The following ATP10B variants were observed in gnomAD, a reference collection of about 807,000 sequenced individuals.
ATP10B encodes phospholipid-transporting ATPase VB.
ATP10B carries 122 observed loss-of-function variants against 141.2 expected under a neutral mutation model. The ratio of observed to expected loss-of-function variants is 0.86; its 90% CI spans 0.75 to 1.00. The LOEUF (loss-of-function observed/expected upper bound fraction) is 1.00, where lower values mean the gene tolerates loss of function less well. ATP10B is among the 50% of genes least tolerant of loss of function. The pLI, the probability that ATP10B is intolerant of heterozygous loss-of-function variation, is 0.00. For missense variants in ATP10B, 1,876 were observed against 1,825.3 expected (o/e 1.03, Z -0.51); for synonymous variants, 685 against 692.0 (o/e 0.99, Z 0.16).
At chr5:160,639,688 T>C (rs1281928513) in intron 10 of ATP10B, among the ~76,000 whole-genome samples, 3 of 152,340 alleles carry the variant, frequency 2.0e-5, no homozygotes, top group African/African-American at 7.2e-5. Context: ...GTGGCTGGTT[T>C]TGCGGAAGAC....
intron 2 of ATP10B, among the ~76,000 whole-genome samples, chr5:160,754,771 A>G (rs1768399386): frequency 6.6e-6 from 1 of 152,226 alleles, no homozygotes; most frequent in Non-Finnish European, 1.5e-5. Flanking sequence ...TGGCACTAAA[A>G]GAAGGCACTC....
intron 6 of ATP10B, among the ~76,000 whole-genome samples, chr5:160,680,441 C>T (rs1049831128): frequency 6.6e-6 from 1 of 152,200 alleles, no homozygotes; most frequent in Admixed American, 6.5e-5. Context: ...CATGTCTTAG[C>T]TTCCTCTGTT....
At chr5:160,615,464 C>T (rs577602470) in intron 17 of ATP10B, among the ~76,000 whole-genome samples, 1 of 151,444 alleles carries the variant, frequency 6.6e-6, no homozygotes, top group South Asian at 2.1e-4. Context: ...TCACTAGACT[C>T]CAAGATCTGG....
chr5:160,928,488 G>C, the ATP10B span, among the ~76,000 whole-genome samples: 5 of 152,168 alleles, frequency 3.3e-5, no homozygotes, highest in African/African-American at 1.2e-4. Flanking sequence ...GTCAAATATG[G>C]CCTCATCGAC....
chr5:160,902,948 A>G, the ATP10B span, among the ~76,000 whole-genome samples: 1 of 152,222 alleles, frequency 6.6e-6, no homozygotes, highest in African/African-American at 2.4e-5. Flanking sequence ...CCTGTGTTTG[A>G]ACGGGTGCAC....
In ATP10B at chr5:160,649,174, T is replaced by C. The variant is rs766038407; in HGVS notation, c.758A>G (p.Tyr253Cys). 70 of 1,610,558 alleles carry C rather than the reference T, an allele frequency of 4.3e-5. No individual in the cohort carries two copies. The highest frequency in any genetic ancestry group is 5.9e-5 in the Non-Finnish European group (70 of 1,176,806). ...GCATGGGACATGAGATACTTACATA[T>C]AACCCTTAAATTTGTTGAGGTGGTT... ...PNNHLNKFKG[Y>C]MEHPDQTRTG... The change falls in exon 8 of 26, where the codon TAT (tyrosine) becomes TGT (cysteine). Residue 253 changes from tyrosine to cysteine, a missense_variant. Tyr to Cys is a radical substitution (Grantham distance 194). Transcript: ENST00000327245.
chr5:160,565,929 T>C, intron 25 of ATP10B, 29 bp from the exon 26 acceptor site: 1 of 1,562,524 alleles, frequency 6.4e-7, no homozygotes, highest in African/African-American at 1.4e-5. Flanking sequence ...ATAAAGATAT[T>C]TCTGATTTCC....
At chr5:160,919,821 C>T in the ATP10B span, among the ~76,000 whole-genome samples, 1 of 152,210 alleles carries the variant, frequency 6.6e-6, no homozygotes, top group African/African-American at 2.4e-5. Flanking sequence ...TTCCTGACTG[C>T]CTCTGAGGCC....
At chr5:160,853,383 G>GAA (rs1581657411), upstream of ATP10B, among the ~76,000 whole-genome samples, 1 of 152,120 alleles carries the variant, frequency 6.6e-6, no homozygotes, top group Non-Finnish European at 1.5e-5. Flanking sequence ...GTTATTTAGT[G>GAA]AAGCCCCCTT....
chr5:160,583,120 T>G (rs191330095), intron 24 of ATP10B, among the ~76,000 whole-genome samples: 3 of 152,324 alleles, frequency 2.0e-5, no homozygotes, highest in African/African-American at 7.2e-5. Flanking sequence ...TTTGTTCCCT[T>G]GCTGGTGAGG....
At chr5:160,715,743 ACT>A (rs774662511) in intron 3 of ATP10B, among the ~76,000 whole-genome samples, 14 of 145,448 alleles carry the variant, frequency 9.6e-5, no homozygotes, top group East Asian at 6.0e-4. Context: ...ACAGTGTCTC[ACT>A]CTGTGGCCCA....
intron 2 of ATP10B, among the ~76,000 whole-genome samples, chr5:160,727,655 G>A (rs908218635): frequency 1.9e-4 from 29 of 152,048 alleles, no homozygotes; most frequent in African/African-American, 6.8e-4. Flanking sequence ...ACTTCCAGGG[G>A]TGTTGGAGAC....
chr5:160,800,210 G>T (rs750984528), intron 1 of ATP10B, among the ~76,000 whole-genome samples: 1 of 152,132 alleles, frequency 6.6e-6, no homozygotes, highest in Non-Finnish European at 1.5e-5. Context: ...CCACACCTCG[G>T]TTTAAATCCT....
At chr5:160,641,418 T>C (rs1436224695) in intron 9 of ATP10B, among the ~76,000 whole-genome samples, 1 of 152,144 alleles carries the variant, frequency 6.6e-6, no homozygotes, top group African/African-American at 2.4e-5. Flanking sequence ...ATGTTGAAGT[T>C]TTGCATACAA....
At chr5:160,802,973 T>C (rs1161435053) in intron 1 of ATP10B, among the ~76,000 whole-genome samples, 1 of 152,150 alleles carries the variant, frequency 6.6e-6, no homozygotes, top group Non-Finnish European at 1.5e-5. Flanking sequence ...AGCTGCTTGC[T>C]CAGAAGGAAG....
At chr5:160,596,049 A>G (rs1432858262) in intron 22 of ATP10B, among the ~76,000 whole-genome samples, 1 of 152,048 alleles carries the variant, frequency 6.6e-6, no homozygotes, top group Non-Finnish European at 1.5e-5. Context: ...TTATGAGGCC[A>G]GCATCATCCT....
rs374970276 is a variant in ATP10B, at chr5:160,790,386, C to T, written c.-575-4583G>A. Among the ~76,000 whole-genome samples, 6 of 152,250 alleles carry T rather than the reference C, an allele frequency of 3.9e-5. No individual in the cohort carries two copies. The South Asian group carries it at 1.0e-3, about 26-fold the overall frequency. ...CTGAGGAAAGTTAGAGAGAAACCCT[C>T]GTCTTAACCCTGGTTCCCAGTTCAC... On this transcript the variant is annotated intron_variant, in intron 1 of 25. Transcript: ENST00000327245.
intron 1 of ATP10B, among the ~76,000 whole-genome samples, chr5:160,812,520 C>G (rs978814078): frequency 6.6e-6 from 1 of 152,048 alleles, no homozygotes; most frequent in Non-Finnish European, 1.5e-5. Context: ...AGAAGGAATT[C>G]AGAATTCTAT....
chr5:160,775,433 C>A (rs1353374098), intron 2 of ATP10B, among the ~76,000 whole-genome samples: 2 of 152,102 alleles, frequency 1.3e-5, no homozygotes, highest in African/African-American at 4.8e-5. Flanking sequence ...GTTTTTTAAC[C>A]TCTGAGGATT....
Sources: gnomAD v4.1 joint callset for allele counts (sites outside exome capture counted in the v4.1 genomes callset) on GRCh38, gnomAD v4.1.1 for gene constraint, MANE v1.5 for transcripts, NCBI Gene and HGNC (gene_info 2026-07-23, HGNC 2026-07-21) for gene names.